The following PTH2R variants were observed in gnomAD, a reference collection of about 807,000 sequenced individuals.
PTH2R encodes parathyroid hormone 2 receptor.
Under a neutral mutation model 60.3 loss-of-function variants are expected in PTH2R, and 59 were observed. That is an observed-to-expected ratio of 0.98 (90% confidence interval 0.79 to 1.22). PTH2R has a LOEUF of 1.22. PTH2R is among the 50% of genes most tolerant of loss of function. The pLI is 0.00. For missense variants in PTH2R, 749 were observed against 682.6 expected (o/e 1.10, Z -1.08); for synonymous variants, 256 against 243.8 (o/e 1.05, Z -0.47).
At chr2:208,371,004 G>T (rs1270010082) in intron 1 of PTH2R, among the ~76,000 whole-genome samples, 1 of 152,018 alleles carries the variant, frequency 6.6e-6, no homozygotes, top group East Asian at 1.9e-4. Flanking sequence ...GGGGTGCCAG[G>T]CTCTTTAAAC....
chr2:208,418,961 G>A (rs1285003296), intron 1 of PTH2R, among the ~76,000 whole-genome samples: 3 of 152,260 alleles, frequency 2.0e-5, no homozygotes, highest in East Asian at 3.9e-4. Flanking sequence ...TAGTCTTTAT[G>A]TATTTTCATA....
chr2:208,374,321 A>G (rs1006427258), intron 1 of PTH2R, among the ~76,000 whole-genome samples: 6 of 151,926 alleles, frequency 3.9e-5, no homozygotes, highest in African/African-American at 1.5e-4. Context: ...TACTTACTCT[A>G]TTGTAGAACT....
chr2:208,418,156 A>G (rs1701679880), intron 1 of PTH2R, among the ~76,000 whole-genome samples: 1 of 152,156 alleles, frequency 6.6e-6, no homozygotes, highest in African/African-American at 2.4e-5. Context: ...GCTATCAAAA[A>G]TAAAATAACT....
intron 8 of PTH2R, among the ~76,000 whole-genome samples, chr2:208,454,956 A>G (rs973978949): frequency 6.6e-6 from 1 of 152,166 alleles, no homozygotes; most frequent in South Asian, 2.1e-4. Context: ...GTTCCTGAAA[A>G]TTAGAACTGT....
At position 208,464,527 on chromosome 2, in the gene PTH2R, G is replaced by A. The variant is rs148361778; in HGVS notation, c.981+4566G>A. 7.0e-4 allele frequency among the ~76,000 whole-genome samples: 106 copies of A among 152,290 alleles called. 1 individual carries two copies. The East Asian group carries it at 0.019, about 27-fold the overall frequency. On this transcript the variant is annotated intron_variant, in intron 9 of 12. Transcript: ENST00000272847. ...GAGATGCACATGGACACAGTATGAA[G>A]GACCAAGGAGGTCTGCCCTTTCTTG...
chr2:208,461,220 T>C (rs975877663), intron 9 of PTH2R, among the ~76,000 whole-genome samples: 5 of 152,132 alleles, frequency 3.3e-5, no homozygotes, highest in Admixed American at 1.3e-4. Flanking sequence ...GATGAATGCA[T>C]GGCTTAAATG....
intron 1 of PTH2R, among the ~76,000 whole-genome samples, chr2:208,400,393 G>C (rs1280198216): frequency 6.6e-6 from 1 of 152,024 alleles, no homozygotes; most frequent in Admixed American, 6.6e-5. Flanking sequence ...CTCTCTTTGG[G>C]GACTGCCTAA....
chr2:208,384,407 G>C (rs1434109308), intron 1 of PTH2R, among the ~76,000 whole-genome samples: 1 of 152,192 alleles, frequency 6.6e-6, no homozygotes, highest in Non-Finnish European at 1.5e-5. Context: ...GCTAACTAGA[G>C]GCTCTGAAGA....
intron 12 of PTH2R, among the ~76,000 whole-genome samples, chr2:208,492,246 A>G (rs1703420545): frequency 6.6e-6 from 1 of 152,238 alleles, no homozygotes; most frequent in African/African-American, 2.4e-5. Flanking sequence ...GCAGATTGAT[A>G]GCATGACAGT....
intron 1 of PTH2R, among the ~76,000 whole-genome samples, chr2:208,408,765 A>AGAGAGAGAGAGAGAGAGAGAGAGAGAG (rs58469801): frequency 8.0e-5 from 12 of 150,910 alleles, no homozygotes; most frequent in African/African-American, 2.2e-4. Context: ...AGAGAGAGAG[A>AGAGAGAGAGAGAGAGAGAGAGAGAGAG]AATAAATAAT....
chr2:208,493,293 T>A lies in PTH2R; in HGVS notation c.1287T>A (p.Ser429Arg). ...AGGCAGAGGTGAAGAAGATGTGGAG[T>A]CGGTGGAACCTCTCCGTGGACTGGA... ...EVQAEVKKMW[S>R]RWNLSVDWKR... The change falls in exon 13 of 13, where the codon AGT becomes AGA. Residue 429 changes from serine to arginine, a missense_variant. Ser to Arg is a moderately radical substitution (Grantham distance 110). Coordinates refer to ENST00000272847, the MANE Select transcript of PTH2R (RefSeq NM_005048.4). 6.6e-7 allele frequency: 1 copy of A among 1,512,840 alleles called. No individual in the cohort carries two copies. Among genetic ancestry groups the A allele is most frequent in the South Asian group, 1.3e-5 (1 of 74,976 alleles). 93.7% of individuals were successfully genotyped at this position (1,512,840 alleles called of 1,614,324 possible). A position where few individuals can be genotyped will look rare whatever the true frequency, so the allele number is the denominator to read the frequency against.
chr2:208,381,994 C>G (rs1700923723), intron 1 of PTH2R, among the ~76,000 whole-genome samples: 2 of 152,126 alleles, frequency 1.3e-5, no homozygotes, highest in Non-Finnish European at 2.9e-5. Context: ...TGCTCAAAAG[C>G]TCACATGTAG....
At chr2:208,486,661 G>T (rs1703280070) in intron 10 of PTH2R, among the ~76,000 whole-genome samples, 1 of 152,180 alleles carries the variant, frequency 6.6e-6, no homozygotes, top group Non-Finnish European at 1.5e-5. Flanking sequence ...CCTTTTATCT[G>T]ATTAGGCTGA....
chr2:208,365,723 G>C (rs1473745329), intron 1 of PTH2R, among the ~76,000 whole-genome samples: 1 of 149,392 alleles, frequency 6.7e-6, no homozygotes, highest in African/African-American at 2.5e-5. Context: ...TTCAGTTTTT[G>C]GGGGATTGAT....
intron 2 of PTH2R, among the ~76,000 whole-genome samples, chr2:208,433,883 A>G (rs1465469059): frequency 3.3e-5 from 5 of 152,264 alleles, no homozygotes; most frequent in Admixed American, 6.5e-5. Flanking sequence ...AAAAATAATT[A>G]CAGAGTTATA....
chr2:208,446,120 A>G (rs1189844800), intron 7 of PTH2R, among the ~76,000 whole-genome samples: 2 of 152,146 alleles, frequency 1.3e-5, no homozygotes, highest in Non-Finnish European at 2.9e-5. Flanking sequence ...TTTGGGTTAT[A>G]TTTTATTTTT....
chr2:208,390,572 C>T (rs548436989), intron 1 of PTH2R, among the ~76,000 whole-genome samples: 100 of 152,244 alleles, frequency 6.6e-4, no homozygotes, highest in Non-Finnish European at 1.2e-3. Context: ...ATAAAAAGTC[C>T]TAATAGACTT....
intron 1 of PTH2R, among the ~76,000 whole-genome samples, chr2:208,375,259 A>G (rs1251136084): frequency 6.6e-6 from 1 of 152,018 alleles, no homozygotes; most frequent in Non-Finnish European, 1.5e-5. Flanking sequence ...AAAGTAATGA[A>G]TCCCCCCGTG....
chr2:208,426,730 C>G (rs1701865272), intron 1 of PTH2R, among the ~76,000 whole-genome samples: 1 of 152,170 alleles, frequency 6.6e-6, no homozygotes, highest in Non-Finnish European at 1.5e-5. Context: ...AAGAAGGTGC[C>G]TCCTTCTCCT....
Sources: allele counts gnomAD v4.1 joint callset (sites outside exome capture counted in the v4.1 genomes callset), GRCh38; gene constraint gnomAD v4.1.1; transcripts MANE v1.5; gene names NCBI Gene and HGNC (gene_info 2026-07-23, HGNC 2026-07-21).